The following ETV1 variants were observed in gnomAD, a reference collection of about 807,000 sequenced individuals.
ETV1 encodes the protein ETS translocation variant 1.
A neutral mutation model predicts 62.3 loss-of-function variants in ETV1; 27 were observed. That is an observed-to-expected ratio of 0.43 (90% CI 0.32 to 0.60). The LOEUF (loss-of-function observed/expected upper bound fraction) is 0.60. Among genes scored for constraint, ETV1 ranks in the 20% least tolerant of loss-of-function variants. The pLI is 0.06. For missense variants in ETV1, 605 were observed against 605.8 expected (o/e 1.00, Z 0.01); for synonymous variants, 222 against 199.6 (o/e 1.11, Z -0.94).
chr7:13,988,044 G>A (rs1186132191), intron 4 of ETV1, 42 bp downstream of exon 4: 1 of 1,078,598 alleles, frequency 9.3e-7, no homozygotes, highest in Admixed American at 1.7e-5. Flanking sequence ...GGTGGAGAGT[G>A]TAGGTAAAAA....
chr7:13,925,685 C>T (rs533577253), intron 9 of ETV1, among the ~76,000 whole-genome samples: 20 of 152,002 alleles, frequency 1.3e-4, no homozygotes, highest in Admixed American at 3.9e-4. Context: ...CCTGCCTCAG[C>T]CTCCAGAGTA....
In ETV1 at chr7:13,977,486, G is replaced by A. The variant is rs2128501388; in HGVS notation, c.182-6C>T. On this transcript the variant is annotated splice_polypyrimidine_tract_variant and splice_region_variant and intron_variant, in intron 5 of 13. Transcript: ENST00000430479. ...ATCATTGTCAGGTACCTGAGCTGAA[G>A]AAGAAAAAGAAAATTAAAAAAAATT... 1 of 1,503,204 alleles carries A rather than the reference G, an allele frequency of 6.7e-7. No individual in the cohort carries two copies. Among genetic ancestry groups the A allele is most frequent in the Non-Finnish European group, 8.9e-7 (1 of 1,126,254 alleles). 93.1% of individuals were successfully genotyped at this position (1,503,204 alleles called of 1,614,324 possible).
Position 13,893,939 on chromosome 7 carries a change from C to G in ETV1, c.*1927G>C, listed in dbSNP as rs138875106. On this transcript the variant is annotated 3_prime_UTR_variant, in exon 14 of 14. Transcript: ENST00000430479. ...AATCATTGAAATCGCAGGTTACATACATATTTTGAAATTGGAGTACTTTTT... is the reference window on the plus strand; with the variant it reads ...AATCATTGAAATCGCAGGTTACATAGATATTTTGAAATTGGAGTACTTTTT... The G allele has an allele frequency of 4.3e-6, 1 of 233,076 alleles. No homozygotes were observed. The highest frequency in any genetic ancestry group is 8.5e-6 in the Non-Finnish European group (1 of 117,782). 14.4% of individuals were successfully genotyped at this position (233,076 alleles called of 1,614,324 possible). A position where few individuals can be genotyped will look rare whatever the true frequency, so the allele number is the denominator to read the frequency against.
chr7:13,937,176 G>A (rs1786898274), intron 7 of ETV1, among the ~76,000 whole-genome samples: 1 of 152,118 alleles, frequency 6.6e-6, no homozygotes, highest in South Asian at 2.1e-4. Context: ...ATTATATCCA[G>A]CTGCAAAAAT....
intron 8 of ETV1, among the ~76,000 whole-genome samples, chr7:13,935,125 T>C (rs186019177): frequency 4.6e-5 from 7 of 152,352 alleles, no homozygotes; most frequent in African/African-American, 7.2e-5. Context: ...GCTATGCTTC[T>C]TGCCTTGCTC....
chr7:13,986,244 A>G, intron 5 of ETV1: 6 of 1,545,820 alleles, frequency 3.9e-6, no homozygotes, highest in Non-Finnish European at 4.4e-6. Flanking sequence ...AACACCAAAT[A>G]ATGATATGCG....
chr7:13,933,945 C>T (rs1184840275), intron 8 of ETV1, among the ~76,000 whole-genome samples: 1 of 152,196 alleles, frequency 6.6e-6, no homozygotes, highest in Non-Finnish European at 1.5e-5. Flanking sequence ...GGCACCTTCC[C>T]TAAGAAATAA....
At chr7:13,954,825 C>A (rs1188577600) in intron 6 of ETV1, among the ~76,000 whole-genome samples, 1 of 152,094 alleles carries the variant, frequency 6.6e-6, no homozygotes, top group Admixed American at 6.6e-5. Flanking sequence ...TCAAAACAAC[C>A]CCATTGGTAG....
intron 6 of ETV1, among the ~76,000 whole-genome samples, chr7:13,972,712 G>A (rs1188765029): frequency 2.0e-5 from 3 of 152,142 alleles, no homozygotes; most frequent in Non-Finnish European, 4.4e-5. Context: ...GCATGTTATT[G>A]TTTCTCTTAG....
chr7:13,912,469 T>A (rs1455805808), intron 9 of ETV1, among the ~76,000 whole-genome samples: 3 of 152,156 alleles, frequency 2.0e-5, no homozygotes, highest in African/African-American at 7.2e-5. Context: ...CTTAATAAAT[T>A]CTAATCTATG....
chr7:13,927,548 T>A (rs1464124711), intron 9 of ETV1, among the ~76,000 whole-genome samples: 1 of 152,254 alleles, frequency 6.6e-6, no homozygotes, highest in Middle Eastern at 3.4e-3. Context: ...TCAACACCAA[T>A]AGGTGAAAAA....
chr7:13,910,011 G>A (rs1303403195), intron 10 of ETV1, among the ~76,000 whole-genome samples: 3 of 151,964 alleles, frequency 2.0e-5, no homozygotes, highest in South Asian at 2.1e-4. Context: ...CATTGGCAAG[G>A]ATTTATAACG....
intron 3 of ETV1, chr7:13,988,612 G>GAAAAAAAGAAAAAAA: frequency 9.1e-7 from 1 of 1,093,294 alleles, no homozygotes; most frequent in Non-Finnish European, 1.1e-6. Context: ...AAAAAAAAGA[G>GAAAAAAAGAAAAAAA]AAAATGAGAA....
chr7:13,909,994 A>G (rs1471776003), intron 10 of ETV1, among the ~76,000 whole-genome samples: 2 of 152,126 alleles, frequency 1.3e-5, no homozygotes, highest in African/African-American at 4.8e-5. Flanking sequence ...GCCAGAGCTC[A>G]CCTAAACATT....
At chr7:13,897,892 TG>T (rs1457392934) in intron 13 of ETV1, among the ~76,000 whole-genome samples, 1 of 152,168 alleles carries the variant, frequency 6.6e-6, no homozygotes, top group African/African-American at 2.4e-5. Context: ...TGTTTGGGGC[TG>T]TGGAGGAAGA....
chr7:13,895,918 G>A lies in ETV1; in HGVS notation c.1382C>T (p.Pro461Leu), dbSNP rs763469375. The A allele has an allele frequency of 3.1e-5, 50 of 1,613,434 alleles. No homozygotes were observed. Among genetic ancestry groups the A allele is most frequent in the Non-Finnish European group, 3.6e-5 (42 of 1,179,694 alleles). ...SHFDESMAYM[P>L]EGGCCNPHPY... The stretch of plus-strand genomic sequence containing the variant: ...GTGGGGGTTGCAGCAGCCCCCTTCC[G>A]GCATGTAGGCCATGCTCTCATCAAA... Residue 461 changes from proline to leucine, a missense_variant, in exon 14 of 14, where the codon CCG becomes CTG. By Grantham distance (98) the Pro-to-Leu change is moderately conservative. Coordinates refer to ENST00000430479, the MANE Select transcript of ETV1 (RefSeq NM_004956.5).
Position 13,892,662 on chromosome 7 carries a change from G to C in ETV1, c.*3204C>G, listed in dbSNP as rs1781461821. The C allele has an allele frequency of 4.3e-6, 1 of 232,258 alleles. No individual in the cohort carries two copies. The highest frequency in any genetic ancestry group is 8.5e-6 in the Non-Finnish European group (1 of 117,542). The allele number at this position is 232,258 out of a possible 1,614,324, so 14.4% of individuals were successfully genotyped here. On this transcript the variant is annotated 3_prime_UTR_variant, in exon 14 of 14. Transcript: ENST00000430479. ...TTAAGGATCTTGAGATGGAGAGATT[G>C]TCCTGGATTATCTGAGCATCCCCTA...
intron 7 of ETV1, among the ~76,000 whole-genome samples, chr7:13,936,673 T>C (rs1583699634): frequency 6.6e-6 from 1 of 152,216 alleles, no homozygotes; most frequent in Admixed American, 6.5e-5. Flanking sequence ...ATTTTGGTCA[T>C]CTATAAAATA....
At chr7:13,906,079 T>C (rs891810266) in intron 12 of ETV1, 8 of 173,364 alleles carry the variant, frequency 4.6e-5, no homozygotes, top group Non-Finnish European at 8.5e-5. Context: ...TTTGCAGACA[T>C]CGTTCCTCTC....
Sources: allele counts gnomAD v4.1 joint callset (sites outside exome capture counted in the v4.1 genomes callset), GRCh38; gene constraint gnomAD v4.1.1; transcripts MANE v1.5; gene names NCBI Gene and HGNC (gene_info 2026-07-23, HGNC 2026-07-21).